The following TDRD10 variants were observed in gnomAD, a reference collection of about 807,000 sequenced individuals.
TDRD10 encodes tudor domain containing 10.
A neutral mutation model predicts 48.0 loss-of-function variants in TDRD10; 40 were observed. That is an observed-to-expected ratio of 0.83 (90% CI 0.65 to 1.09). The LOEUF is 1.09. TDRD10 is among the 50% of genes least tolerant of loss of function. The probability of loss-of-function intolerance (pLI) is 0.00; values close to 1 mark genes in which losing one functional copy is unlikely to be tolerated. For missense variants in TDRD10, 378 were observed against 434.7 expected (o/e 0.87, Z 1.16); for synonymous variants, 162 against 170.4 (o/e 0.95, Z 0.38).
intron 6 of TDRD10, among the ~76,000 whole-genome samples, chr1:154,532,898 T>A (rs1159716180): frequency 1.3e-5 from 2 of 152,160 alleles, no homozygotes; most frequent in Non-Finnish European, 2.9e-5. Flanking sequence ...GTTTGTGGTC[T>A]CCACTGACAT....
At chr1:154,531,471 G>A (rs1570952315) in intron 6 of TDRD10, among the ~76,000 whole-genome samples, 1 of 152,304 alleles carries the variant, frequency 6.6e-6, no homozygotes, top group East Asian at 1.9e-4. Context: ...GGTCTCGCTG[G>A]CTCACGAGTG....
At chr1:154,546,575 C>T (rs1557841010) in intron 11 of TDRD10, among the ~76,000 whole-genome samples, 1 of 151,700 alleles carries the variant, frequency 6.6e-6, no homozygotes, top group Non-Finnish European at 1.5e-5. Flanking sequence ...GGGGCTTGTG[C>T]CCAGTGGGCA....
chr1:154,545,578 T>A (rs868072166), intron 11 of TDRD10, among the ~76,000 whole-genome samples: 1 of 152,030 alleles, frequency 6.6e-6, no homozygotes, highest in South Asian at 2.1e-4. Context: ...ATTTAAAAAA[T>A]TTCTTTTTTT....
At position 154,514,882 on chromosome 1, in the gene TDRD10, T is replaced by A. The variant is rs201939885; in HGVS notation, c.142-5422T>A. ...TATTTATTTATTTATTTATTTTTTTTTTTGAGACGGAGCCTTACTCTGTTG... is the reference window on the plus strand; with the variant it reads ...TATTTATTTATTTATTTATTTTTTTATTTGAGACGGAGCCTTACTCTGTTG... On this transcript the variant is annotated intron_variant, in intron 4 of 12. Transcript: ENST00000368482. Among the ~76,000 whole-genome samples the A allele has an allele frequency of 8.5e-5, 5 of 58,780 alleles. No individual in the cohort carries two copies. The East Asian group carries it at 2.2e-3, about 26-fold the overall frequency. The allele number at this position is 58,780 out of a possible 152,430, so 38.6% of individuals were successfully genotyped here. A position where few individuals can be genotyped will look rare whatever the true frequency, so the allele number is the denominator to read the frequency against.
At position 154,544,404 on chromosome 1, in the gene TDRD10, C is replaced by G. The variant is rs771985857; in HGVS notation, c.684C>G (p.Ser228Arg). The change falls in exon 10 of 13, where the codon AGC becomes AGG. Residue 228 changes from serine (S) to arginine (R), a missense_variant. Coordinates refer to ENST00000368482, the MANE Select transcript of TDRD10 (RefSeq NM_182499.4). ...ACCAGAACATGCAGGCTCTGTTTAGCACCCTGGCTCAGGCGGAGGAGCAGC... is the reference window on the plus strand; with the variant it reads ...ACCAGAACATGCAGGCTCTGTTTAGGACCCTGGCTCAGGCGGAGGAGCAGC... ...ALHQNMQALFSTLAQAEEQQP... is the reference protein window; with the variant it reads ...ALHQNMQALFRTLAQAEEQQP... 2.5e-6 allele frequency: 4 copies of G among 1,596,958 alleles called. No individual in the cohort carries two copies. The African/African-American group carries it at 5.3e-5, about 21-fold the overall frequency.
intron 1 of TDRD10, among the ~76,000 whole-genome samples, chr1:154,506,517 A>G (rs1693164086): frequency 6.6e-6 from 1 of 152,078 alleles, no homozygotes; most frequent in Non-Finnish European, 1.5e-5. Context: ...CTGGGATTAC[A>G]GGTGCCTGTC....
intron 6 of TDRD10, among the ~76,000 whole-genome samples, chr1:154,532,630 C>T (rs77994623): frequency 0.15 from 22,155 of 152,088 alleles, 1,846 homozygotes; most frequent in East Asian, 0.32. Context: ...AGCACGCTGT[C>T]GCCTCTCATT....
chr1:154,542,599 G>T, intron 7 of TDRD10, 132 bp from the exon 8 acceptor site: 1 of 623,854 alleles, frequency 1.6e-6, no homozygotes, highest in Non-Finnish European at 2.8e-6. Context: ...AGACTGAGAA[G>T]TTGGAGGGTG....
rs988263136 is a variant in TDRD10 at position 154,532,274 on chromosome 1, G to A, written c.370-9750G>A. ...GCTAAGGCCTGGTGAGAAATCAAGC[G>A]CAGCACCAGTGGGCCAGCACTGCTG... is the stretch of plus-strand genomic sequence containing the variant. On this transcript the variant is annotated intron_variant, in intron 6 of 12. Coordinates refer to ENST00000368482, the MANE Select transcript of TDRD10 (RefSeq NM_182499.4). Among the ~76,000 whole-genome samples the A allele has an allele frequency of 1.1e-4, 17 of 152,190 alleles. 1 individual carries two copies. The highest frequency in any genetic ancestry group is 1.9e-4 in the East Asian group (1 of 5,198).
At chr1:154,532,491 C>G (rs904890805) in intron 6 of TDRD10, among the ~76,000 whole-genome samples, 1 of 152,204 alleles carries the variant, frequency 6.6e-6, no homozygotes, top group Non-Finnish European at 1.5e-5. Flanking sequence ...GGAGCCAGCT[C>G]TGGCCTCGGC....
intron 6 of TDRD10, among the ~76,000 whole-genome samples, chr1:154,540,367 C>T (rs1352999242): frequency 1.3e-5 from 2 of 151,796 alleles, no homozygotes; most frequent in East Asian, 3.9e-4. Flanking sequence ...GGGTGAACTG[C>T]TCTGTAGGTA....
chr1:154,546,598 C>T (rs1557841029), intron 11 of TDRD10, among the ~76,000 whole-genome samples: 2 of 151,490 alleles, frequency 1.3e-5, no homozygotes, highest in South Asian at 4.2e-4. Flanking sequence ...GAGCACCACC[C>T]AGAGGTTGTC....
At position 154,529,516 on chromosome 1, in the gene TDRD10, C is replaced by T. The variant is rs1021535845; in HGVS notation, c.369+8037C>T. ...AAACCGCAATAATTTTTGCACCAAC[C>T]TAATATTTACCCATATTTTTTCTGT... On this transcript the variant is annotated intron_variant, in intron 6 of 12. Coordinates refer to ENST00000368482, the MANE Select transcript of TDRD10 (RefSeq NM_182499.4). 1.1e-4 allele frequency among the ~76,000 whole-genome samples: 17 copies of T among 150,456 alleles called. No individual in the cohort carries two copies. In the South Asian group the frequency reaches 1.7e-3, roughly 15 times the overall value.
At chr1:154,519,789 C>T (rs565120148) in intron 4 of TDRD10, among the ~76,000 whole-genome samples, 6 of 151,884 alleles carry the variant, frequency 4.0e-5, no homozygotes, top group Admixed American at 2.0e-4. Flanking sequence ...CCCAAGCCCG[C>T]GGAGCAGGAT....
intron 6 of TDRD10, among the ~76,000 whole-genome samples, chr1:154,540,734 G>A (rs544656325): frequency 6.4e-4 from 97 of 152,254 alleles, no homozygotes; most frequent in African/African-American, 2.3e-3. Context: ...GTGGTACATT[G>A]TTGATACCTA....
At chr1:154,505,307 A>G (rs1297275829) in intron 1 of TDRD10, among the ~76,000 whole-genome samples, 1 of 152,230 alleles carries the variant, frequency 6.6e-6, no homozygotes, top group Admixed American at 6.5e-5. Flanking sequence ...GGCATCTTGC[A>G]CGGATTTATG....
At chr1:154,533,204 C>T (rs546750463) in intron 6 of TDRD10, among the ~76,000 whole-genome samples, 2 of 152,264 alleles carry the variant, frequency 1.3e-5, no homozygotes, top group South Asian at 4.1e-4. Flanking sequence ...AGTCTGGGCC[C>T]TGCATGCTGT....
intron 4 of TDRD10, among the ~76,000 whole-genome samples, chr1:154,511,612 G>A (rs1693479093): frequency 6.6e-6 from 1 of 152,098 alleles, no homozygotes. Context: ...CACTTTGGGA[G>A]GCTGAGGTGG....
At chr1:154,536,216 A>G (rs1252402608) in intron 6 of TDRD10, among the ~76,000 whole-genome samples, 1 of 152,188 alleles carries the variant, frequency 6.6e-6, no homozygotes, top group African/African-American at 2.4e-5. Context: ...TCTCTACTAA[A>G]AATACAAAAA....
Sources: gnomAD v4.1 joint callset for allele counts (sites outside exome capture counted in the v4.1 genomes callset) on GRCh38, gnomAD v4.1.1 for gene constraint, MANE v1.5 for transcripts, NCBI Gene and HGNC (gene_info 2026-07-23, HGNC 2026-07-21) for gene names.